Variants in CCNA2 observed in about 807,000 individuals in gnomAD.
CCNA2 encodes cyclin A2.
A neutral mutation model predicts 49.4 loss-of-function variants in CCNA2; 3 were observed. The ratio of observed to expected loss-of-function variants is 0.06; its 90% CI spans 0.03 to 0.16. CCNA2 has a LOEUF of 0.16. Ranked by LOEUF, CCNA2 falls within the 10% of genes least tolerant of loss-of-function variation. The pLI is 1.00. For synonymous variants in CCNA2, 206 were observed against 197.2 expected (o/e 1.04, Z -0.37); for missense variants, 372 against 519.7 (o/e 0.72, Z 2.76).
Position 121,823,539 on chromosome 4 carries a change from C to T in CCNA2, c.90G>A (p.Gln30=), listed in dbSNP as rs114973771. 224 of 1,612,718 alleles carry T rather than the reference C, an allele frequency of 1.4e-4. 1 individual carries two copies. In the African/African-American group the frequency reaches 2.9e-3, roughly 21 times the overall value. Reference sequence around the variant, plus strand: ...CTGCCTTTTCCGGGTTGATATTCTCCTGGTCCTCTTGGAGCGCCGTCTGCT... The same window carrying T: ...CTGCCTTTTCCGGGTTGATATTCTCTTGGTCCTCTTGGAGCGCCGTCTGCT... ...ALQQTALQED[Q]ENINPEKAAP... The change falls in exon 1 of 8, where the codon CAG becomes CAA. Residue 30 remains glutamine, a synonymous_variant. Transcript: ENST00000274026.
intron 2 of CCNA2, 21 bp downstream of exon 2, chr4:121,822,382 C>G (rs762304434): frequency 1.2e-6 from 2 of 1,606,260 alleles, no homozygotes; most frequent in African/African-American, 1.3e-5. Flanking sequence ...TAATTCCACA[C>G]AGATTTTCCT....
At position 121,820,693 on chromosome 4, in the gene CCNA2, C is replaced by A. The variant is rs867219986; in HGVS notation, c.643G>T (p.Val215Leu). The A allele has an allele frequency of 6.2e-7, 1 of 1,613,946 alleles. No homozygotes were observed. The highest frequency in any genetic ancestry group is 8.5e-7 in the Non-Finnish European group (1 of 1,179,808). ...DITNSMRAILVDWLVEVGEEY... is the reference protein window; with the variant it reads ...DITNSMRAILLDWLVEVGEEY... ...TCTCCTACTTCAACTAACCAGTCCA[C>A]GAGGATAGCTCTCATACTGTTAGTG... The change falls in exon 4 of 8, where the codon GTG becomes TTG. Residue 215 changes from valine to leucine, a missense_variant. This residue lies in a region of CCNA2 where 155 missense variants were observed against 288.1 expected (regional missense o/e 0.54). Transcript: ENST00000274026. This position sits in a 1 kb window ranked among gnomAD's most constrained non-coding sequence, Gnocchi z 4.1.
Position 121,822,635 on chromosome 4 carries a change from A to C in CCNA2, c.225T>G (p.Leu75=). 6.2e-7 allele frequency: 1 copy of C among 1,613,350 alleles called. No homozygotes were observed. The highest frequency in any genetic ancestry group is 8.5e-7 in the Non-Finnish European group (1 of 1,179,788). The part of the protein sequence containing the change: ...QRPKTRRVAP[L]KDLPVNDEHV... ...GCTCATCATTTACAGGAAGATCCTT[A>C]AGGGGTGCAACCTAAAAAAAAATTA... is the stretch of plus-strand genomic sequence containing the variant. The change falls in exon 2 of 8, where the codon CTT becomes CTG. Residue 75 remains leucine (L), a synonymous_variant. Transcript: ENST00000274026.
Position 121,820,503 on chromosome 4 carries a change from A to C in CCNA2, c.794+39T>G. 1 of 1,424,936 alleles carries C rather than the reference A, an allele frequency of 7.0e-7. No individual in the cohort carries two copies. The highest frequency in any genetic ancestry group is 1.4e-5 in the African/African-American group (1 of 70,320). 88.3% of individuals were successfully genotyped at this position (1,424,936 alleles called of 1,614,324 possible). ...AAAATCAATTTCTTCCCTAGACAAAAGGTCGTGATCACTTTTAAACAAACC... is the reference window on the plus strand; with the variant it reads ...AAAATCAATTTCTTCCCTAGACAAACGGTCGTGATCACTTTTAAACAAACC... On this transcript the variant is annotated intron_variant, in intron 4 of 7. Coordinates refer to ENST00000274026, the MANE Select transcript of CCNA2 (RefSeq NM_001237.5). This position sits in a 1 kb window ranked among gnomAD's most constrained non-coding sequence, Gnocchi z 4.1.
rs549715641 is a variant in CCNA2 at position 121,817,100 on chromosome 4, TAAAC to T, written c.*534_*537del. The T allele has an allele frequency of 2.7e-5, 11 of 409,920 alleles. No homozygotes were observed. The highest frequency in any genetic ancestry group is 1.4e-4 in the East Asian group (3 of 22,204). 25.4% of individuals were successfully genotyped at this position (409,920 alleles called of 1,614,324 possible). A position where few individuals can be genotyped will look rare whatever the true frequency, so the allele number is the denominator to read the frequency against. On this transcript the variant is annotated 3_prime_UTR_variant, in exon 8 of 8. Transcript: ENST00000274026. ...TCTGTTGAGTTTACCTCGCAAAACC[TAAAC>T]AAACAGGTTTTACAAAGAGCGAAAA...
At chr4:121,822,740 T>G in intron 1 of CCNA2, 94 bp from the exon 2 acceptor site, 2 of 1,283,706 alleles carry the variant, frequency 1.6e-6, no homozygotes, top group East Asian at 2.3e-5. Flanking sequence ...AAATACTCTA[T>G]CAGGAATTAA....
At chr4:121,819,603 A>T (rs767052237) in intron 4 of CCNA2, 24 bp from the exon 5 acceptor site, 1 of 1,513,420 alleles carries the variant, frequency 6.6e-7, no homozygotes, top group African/African-American at 1.4e-5. Context: ...AGTTTTAAGT[A>T]ATCAGTCCTA....
At position 121,817,091 on chromosome 4, in the gene CCNA2, C is replaced by T. The variant is rs1016218849; in HGVS notation, c.*547G>A. 2.8e-5 allele frequency: 12 copies of T among 427,192 alleles called. No homozygotes were observed. The Admixed American group carries it at 2.9e-4, about 10-fold the overall frequency. The allele number at this position is 427,192 out of a possible 1,614,324, so 26.5% of individuals were successfully genotyped here. ...CTCCCAACCTCTGTTGAGTTTACCT[C>T]GCAAAACCTAAACAAACAGGTTTTA... On this transcript the variant is annotated 3_prime_UTR_variant, in exon 8 of 8. Transcript: ENST00000274026.
chr4:121,816,453 A>C lies in CCNA2; in HGVS notation c.*1185T>G. On this transcript the variant is annotated 3_prime_UTR_variant, in exon 8 of 8. Transcript: ENST00000274026. ...AAGAATCCAAAGAAAATAAGGTAAC[A>C]AATTTCTGGTTTATTTCAAATGTAT... The C allele has an allele frequency of 6.5e-7, 1 of 1,539,694 alleles. No individual in the cohort carries two copies. The highest frequency in any genetic ancestry group is 8.8e-7 in the Non-Finnish European group (1 of 1,135,924).
At chr4:121,817,930 T>C in intron 7 of CCNA2, 114 bp downstream of exon 7, 1 of 1,162,862 alleles carries the variant, frequency 8.6e-7, no homozygotes, top group Non-Finnish European at 1.2e-6. Context: ...ATAACCAATT[T>C]AGAGAACAGC....
In CCNA2 at chr4:121,819,239, T is replaced by A. The variant is rs981421142; in HGVS notation, c.1002+133A>T. The stretch of plus-strand genomic sequence containing the variant: ...GTAGGCTTTCTTCCATACTGCAGCA[T>A]TAATCTCCCTCTGAATACTAAATCT... On this transcript the variant is annotated intron_variant, in intron 5 of 7. Transcript: ENST00000274026. The A allele has an allele frequency of 4.4e-6, 3 of 674,538 alleles. No individual in the cohort carries two copies. In the Admixed American group the frequency reaches 8.4e-5, roughly 19 times the overall value. 41.8% of individuals were successfully genotyped at this position (674,538 alleles called of 1,614,324 possible). A position where few individuals can be genotyped will look rare whatever the true frequency, so the allele number is the denominator to read the frequency against.
chr4:121,821,445 A>C (rs922082757), intron 2 of CCNA2, among the ~76,000 whole-genome samples: 6 of 152,186 alleles, frequency 3.9e-5, no homozygotes, highest in Non-Finnish European at 8.8e-5. Flanking sequence ...CCAAGTTTTG[A>C]GATAATATCT....
In CCNA2 at chr4:121,823,568, A is replaced by G. The variant is rs777753608; in HGVS notation, c.61T>C (p.Leu21=). 4.3e-6 allele frequency: 7 copies of G among 1,610,224 alleles called. No homozygotes were observed. The African/African-American group carries it at 8.0e-5, about 18-fold the overall frequency. Residue 21 remains leucine (L), a synonymous_variant, in exon 1 of 8, where the codon TTG becomes CTG. Transcript: ENST00000274026. ...TREAGSALLA[L]QQTALQEDQE... ...TCCTCTTGGAGCGCCGTCTGCTGCA[A>G]TGCTAGCAGCGCCGAGCCCGCCTCG...
rs532310474 is a variant in CCNA2, at chr4:121,816,760, C to T, written c.*878G>A. 8 of 1,569,422 alleles carry T rather than the reference C, an allele frequency of 5.1e-6. No individual in the cohort carries two copies. In the African/African-American group the frequency reaches 9.7e-5, roughly 19 times the overall value. On this transcript the variant is annotated 3_prime_UTR_variant, in exon 8 of 8. Transcript: ENST00000274026. ...ATACTCTTAGTAAATTCTTACTTTGCTTTATTCACAGAACACAGACCACCA... is the reference window on the plus strand; with the variant it reads ...ATACTCTTAGTAAATTCTTACTTTGTTTTATTCACAGAACACAGACCACCA...
In CCNA2 at chr4:121,817,647, T is replaced by C. The variant is rs1261542696; in HGVS notation, c.1290A>G (p.Leu430=). The C allele has an allele frequency of 6.2e-7, 1 of 1,614,026 alleles. No homozygotes were observed. The highest frequency in any genetic ancestry group is 1.7e-5 in the Admixed American group (1 of 60,014). Residue 430 remains leucine, a synonymous_variant, in exon 8 of 8, where the codon CTA becomes CTG. Transcript: ENST00000274026. The part of the protein sequence containing the change: ...GVSLLNPPET[L]NL The stretch of plus-strand genomic sequence containing the variant: ...AGGCAGTCTTTCATTGTTACAGATT[T>C]AGTGTCTCTGGTGGGTTGAGGAGAG...
chr4:121,817,983 G>T, intron 7 of CCNA2, 61 bp downstream of exon 7: 1 of 1,490,312 alleles, frequency 6.7e-7, no homozygotes, highest in Non-Finnish European at 9.2e-7. Flanking sequence ...AGGTTAAAAT[G>T]TCAAAGATCT....
intron 2 of CCNA2, 73 bp from the exon 3 acceptor site, chr4:121,821,164 TGGAA>T: frequency 2.0e-6 from 3 of 1,526,054 alleles, no homozygotes; most frequent in Non-Finnish European, 2.6e-6. Context: ...ATGACTGCCA[TGGAA>T]GGAATCTCAT....
chr4:121,818,813 G>A lies in CCNA2; in HGVS notation c.1103C>T (p.Thr368Met), dbSNP rs769819111. Reference protein sequence around the residue: ...AAFHLALYTVTGQSWPESLIR... With the variant: ...AAFHLALYTVMGQSWPESLIR... ...CGTAATACATACCCAGCTTTGTCCCGTGACTGTGTAGAGTGCTAAATGAAA... is the reference window on the plus strand; with the variant it reads ...CGTAATACATACCCAGCTTTGTCCCATGACTGTGTAGAGTGCTAAATGAAA... The change falls in exon 6 of 8, where the codon ACG becomes ATG. Residue 368 changes from threonine (T) to methionine (M), a missense_variant. Physicochemically the swap from Thr to Met is moderately conservative, Grantham distance 81. Around this residue, in one of 2 missense-constraint regions of CCNA2, gnomAD observed 155 missense variants for 288.1 expected, o/e 0.54. Transcript: ENST00000274026. The A allele has an allele frequency of 9.9e-6, 16 of 1,608,044 alleles. No homozygotes were observed. Among genetic ancestry groups the A allele is most frequent in the Admixed American group, 5.0e-5 (3 of 59,984 alleles).
chr4:121,817,750 T>C, intron 7 of CCNA2, 64 bp from the exon 8 acceptor site: 2 of 1,600,198 alleles, frequency 1.2e-6, no homozygotes, highest in Non-Finnish European at 1.7e-6. Context: ...GATCATGGAA[T>C]AATGTTTGTA....
Sources: gnomAD v4.1 joint callset for allele counts (sites outside exome capture counted in the v4.1 genomes callset) on GRCh38, gnomAD v4.1.1 for gene constraint, gnomAD v4.1.1 regional missense constraint, Gnocchi (gnomAD v3.1) non-coding constraint, MANE v1.5 for transcripts, NCBI Gene and HGNC (gene_info 2026-07-23, HGNC 2026-07-21) for gene names.